USP34: variants seen among roughly 807,000 people sequenced by gnomAD.
USP34 encodes ubiquitin specific peptidase 34.
Under a neutral mutation model 460.3 loss-of-function variants are expected in USP34, and 70 were observed. The observed-to-expected ratio is 0.15, with a 90% CI of 0.13 to 0.19. USP34 has a LOEUF of 0.19. Among genes scored for constraint, USP34 ranks in the 10% least tolerant of loss-of-function variants. The pLI, the probability that USP34 is intolerant of heterozygous loss-of-function variation, is 1.00. For missense variants in USP34, 3,985 were observed against 4,236.2 expected, an observed-to-expected ratio of 0.94 and a Z score of 1.65; for synonymous variants, 1,647 against 1,405.3, an observed-to-expected ratio of 1.17 and a Z score of -3.85.
At chr2:61,343,693 AAG>A (rs1399386609) in intron 16 of USP34, 120 bp downstream of exon 16, 1 of 1,016,944 alleles carries the variant, frequency 9.8e-7, no homozygotes, top group East Asian at 2.6e-5. Flanking sequence ...TACCATATGT[AAG>A]TTATTTTGAC....
Position 61,444,187 on chromosome 2 carries a change from C to G in USP34, c.44-23354G>C, listed in dbSNP as rs577610707. On this transcript the variant is annotated intron_variant, in intron 1 of 79. Coordinates refer to ENST00000398571, the MANE Select transcript of USP34 (RefSeq NM_014709.4). Reference sequence around the variant, plus strand: ...GGAGGATCACTTGGGCCCAGAAGGTCAAGGTGACAAGATTCTGCCACTGCA... The same window carrying G: ...GGAGGATCACTTGGGCCCAGAAGGTGAAGGTGACAAGATTCTGCCACTGCA... 3.9e-5 allele frequency among the ~76,000 whole-genome samples: 6 copies of G among 152,196 alleles called. No homozygotes were observed. The East Asian group carries it at 1.2e-3, about 29-fold the overall frequency.
intron 10 of USP34, among the ~76,000 whole-genome samples, chr2:61,367,685 A>C (rs1441608039): frequency 1.3e-5 from 2 of 152,146 alleles, no homozygotes; most frequent in African/African-American, 4.8e-5. Context: ...AATTGAAGAA[A>C]TCACAATTTA....
chr2:61,279,427 G>A (rs1251041100), intron 39 of USP34, among the ~76,000 whole-genome samples: 1 of 152,060 alleles, frequency 6.6e-6, no homozygotes, highest in South Asian at 2.1e-4. Flanking sequence ...TATGTACACT[G>A]GAAAAAACGC....
At chr2:61,294,898 C>G in intron 32 of USP34, 51 bp downstream of exon 32, 1 of 1,461,718 alleles carries the variant, frequency 6.8e-7, no homozygotes, top group South Asian at 1.2e-5. Context: ...TTTTGAAAAA[C>G]TGAAGATAAA....
intron 1 of USP34, among the ~76,000 whole-genome samples, chr2:61,424,011 G>A (rs1694438503): frequency 6.6e-6 from 1 of 152,178 alleles, no homozygotes; most frequent in African/African-American, 2.4e-5. Flanking sequence ...ATGTGGAACT[G>A]GAACCATTGT....
chr2:61,272,846 A>G (rs1219934752), intron 41 of USP34, among the ~76,000 whole-genome samples: 2 of 152,236 alleles, frequency 1.3e-5, no homozygotes, highest in African/African-American at 4.8e-5. Flanking sequence ...GAAAGAGTTA[A>G]ACTTGTAAAA....
At chr2:61,230,373 A>G (rs958368306) in intron 58 of USP34, among the ~76,000 whole-genome samples, 1 of 152,092 alleles carries the variant, frequency 6.6e-6, no homozygotes, top group African/African-American at 2.4e-5. Context: ...TAAAAATACA[A>G]AAATTAGCCG....
chr2:61,395,785 CAAAAAAA>C (rs541139131), intron 3 of USP34, among the ~76,000 whole-genome samples: 24 of 29,360 alleles, frequency 8.2e-4, no homozygotes, highest in Admixed American at 4.5e-3. Flanking sequence ...GACTCCGTCT[CAAAAAAA>C]AAAAAAAAAA....
At chr2:61,465,198 G>T (rs1374456420) in intron 1 of USP34, among the ~76,000 whole-genome samples, 1 of 151,986 alleles carries the variant, frequency 6.6e-6, no homozygotes, top group Non-Finnish European at 1.5e-5. Flanking sequence ...AAAAAGGGTG[G>T]GTGTGGTGGG....
chr2:61,301,771 CA>C (rs1400771762), intron 27 of USP34, among the ~76,000 whole-genome samples: 11 of 152,168 alleles, frequency 7.2e-5, no homozygotes, highest in Non-Finnish European at 1.6e-4. Context: ...TCCAGGAATT[CA>C]AGATACTTAT....
chr2:61,417,429 C>T lies in USP34; in HGVS notation c.131+3317G>A. Reference sequence around the variant, plus strand: ...TTGTGACAGCTATATGACTGTTAAACAGCACTTAAAAATGATGACACAGAT... The same window carrying T: ...TTGTGACAGCTATATGACTGTTAAATAGCACTTAAAAATGATGACACAGAT... On this transcript the variant is annotated intron_variant, in intron 2 of 79. Coordinates refer to ENST00000398571, the MANE Select transcript of USP34 (RefSeq NM_014709.4). The T allele has an allele frequency of 1.3e-5, 5 of 396,470 alleles. No individual in the cohort carries two copies. In the South Asian group the frequency reaches 1.4e-4, roughly 11 times the overall value. The allele number at this position is 396,470 out of a possible 1,614,324, so 24.6% of individuals were successfully genotyped here.
intron 2 of USP34, among the ~76,000 whole-genome samples, chr2:61,407,853 G>A (rs1196185144): frequency 1.3e-5 from 2 of 152,026 alleles, no homozygotes; most frequent in African/African-American, 4.8e-5. Context: ...GGTGGCTCAT[G>A]CCTGTAATCC....
At chr2:61,412,578 AG>A (rs1694072388) in intron 2 of USP34, among the ~76,000 whole-genome samples, 1 of 152,078 alleles carries the variant, frequency 6.6e-6, no homozygotes, top group African/African-American at 2.4e-5. Flanking sequence ...CCCACAAAAT[AG>A]AAAAAAATAT....
At chr2:61,279,441 T>C (rs1689468951) in intron 39 of USP34, among the ~76,000 whole-genome samples, 1 of 152,130 alleles carries the variant, frequency 6.6e-6, no homozygotes. Context: ...AAAACGCAAG[T>C]CTTTAAGTGG....
At position 61,314,935 on chromosome 2, in the gene USP34, C is replaced by A; in HGVS notation, c.3322G>T (p.Ala1108Ser). 1.9e-6 allele frequency: 3 copies of A among 1,613,846 alleles called. No homozygotes were observed. Among genetic ancestry groups the A allele is most frequent in the Non-Finnish European group, 2.5e-6 (3 of 1,179,894 alleles). Residue 1108 changes from alanine to serine, a missense_variant, in exon 24 of 80, where the codon GCA (alanine) becomes TCA (serine). Around this residue, in one of 14 missense-constraint regions of USP34, gnomAD observed 1,114 missense variants for 1,122.5 expected, o/e 0.99. Transcript: ENST00000398571. The part of the protein sequence containing the change: ...MDQFWGIALR[A>S]QSGDVSRAAI... ...GCTCGACTGACATCACCAGATTGTG[C>A]TCTTAAAGCAATGCCCCAAAATTGG... is the stretch of plus-strand genomic sequence containing the variant.
intron 1 of USP34, among the ~76,000 whole-genome samples, chr2:61,448,552 A>C (rs1407445349): frequency 6.6e-6 from 1 of 152,194 alleles, no homozygotes; most frequent in African/African-American, 2.4e-5. Flanking sequence ...TTTGATAACC[A>C]CTGATCAAGC....
intron 22 of USP34, among the ~76,000 whole-genome samples, 193 bp from the exon 23 acceptor site, chr2:61,317,960 G>A (rs1215884586): frequency 6.6e-6 from 1 of 152,024 alleles, no homozygotes; most frequent in African/African-American, 2.4e-5. Context: ...GGAAAGCCAA[G>A]GCAGGCAGAT....
At chr2:61,467,501 A>C (rs1185533769) in intron 1 of USP34, among the ~76,000 whole-genome samples, 1 of 152,004 alleles carries the variant, frequency 6.6e-6, no homozygotes, top group Non-Finnish European at 1.5e-5. Flanking sequence ...CATGACCTGG[A>C]AACACACCAC....
At chr2:61,204,687 C>G (rs1386834721) in intron 72 of USP34, 86 bp from the exon 73 acceptor site, 1 of 1,034,710 alleles carries the variant, frequency 9.7e-7, no homozygotes. Context: ...CTATGATTGC[C>G]TCACTACAAC....
Sources: allele counts gnomAD v4.1 joint callset (sites outside exome capture counted in the v4.1 genomes callset), GRCh38; gene constraint gnomAD v4.1.1; regional missense constraint gnomAD v4.1.1; transcripts MANE v1.5; gene names NCBI Gene and HGNC (gene_info 2026-07-23, HGNC 2026-07-21).